Variants in SLC9A9 observed in about 807,000 individuals in gnomAD.
SLC9A9 encodes solute carrier family 9 member A9.
In SLC9A9, 62 loss-of-function variants were observed where a neutral mutation model predicts 77.8. The observed-to-expected ratio is 0.80, with a 90% confidence interval of 0.65 to 0.98. SLC9A9 has a LOEUF of 0.98. SLC9A9 is among the 50% of genes least tolerant of loss of function. The probability of loss-of-function intolerance (pLI) is 0.00; values close to 1 mark genes in which losing one functional copy is unlikely to be tolerated. For synonymous variants in SLC9A9, 320 were observed against 283.5 expected, an observed-to-expected ratio of 1.13 and a Z score of -1.29; for missense variants, 775 against 774.9, an observed-to-expected ratio of 1.00 and a Z score of 0.00.
chr3:143,539,283 G>A (rs887007494), intron 9 of SLC9A9, among the ~76,000 whole-genome samples: 2 of 152,170 alleles, frequency 1.3e-5, no homozygotes, highest in Non-Finnish European at 2.9e-5. Context: ...TTTATTAGGA[G>A]TTATATATCA....
intron 6 of SLC9A9, among the ~76,000 whole-genome samples, chr3:143,583,408 A>T (rs1386244439): frequency 1.3e-5 from 2 of 152,196 alleles, no homozygotes; most frequent in Non-Finnish European, 2.9e-5. Flanking sequence ...GTATCATTTC[A>T]CTTTCACAGA....
chr3:143,265,833 G>A lies in SLC9A9; in HGVS notation c.*869C>T. 1 of 588,990 alleles carries A rather than the reference G, an allele frequency of 1.7e-6. No homozygotes were observed. The highest frequency in any genetic ancestry group is 1.9e-5 in the African/African-American group (1 of 53,554). The allele number at this position is 588,990 out of a possible 1,614,324, so 36.5% of individuals were successfully genotyped here. On this transcript the variant is annotated 3_prime_UTR_variant, in exon 16 of 16. Transcript: ENST00000316549. ...ACAGGTTGGGGCTCCTGCACAGTCTGCTGCCAGGTAGAGAGCAACACAGGC... is the reference window on the plus strand; with the variant it reads ...ACAGGTTGGGGCTCCTGCACAGTCTACTGCCAGGTAGAGAGCAACACAGGC...
chr3:143,459,063 T>C (rs1218690517), intron 12 of SLC9A9, among the ~76,000 whole-genome samples: 1 of 152,122 alleles, frequency 6.6e-6, no homozygotes, highest in East Asian at 1.9e-4. Context: ...TTTTGGTCAT[T>C]GCATTTTCCA....
chr3:143,593,227 T>A (rs1412184612), intron 6 of SLC9A9, among the ~76,000 whole-genome samples: 1 of 152,140 alleles, frequency 6.6e-6, no homozygotes, highest in African/African-American at 2.4e-5. Context: ...GGAGCACAGG[T>A]GGCAGAGAGT....
intron 13 of SLC9A9, among the ~76,000 whole-genome samples, chr3:143,371,088 G>T (rs1027689619): frequency 6.6e-6 from 1 of 152,228 alleles, no homozygotes; most frequent in Admixed American, 6.5e-5. Flanking sequence ...CCAGAAGTCT[G>T]TGGAGATGTT....
chr3:143,574,238 A>T (rs749631358), intron 7 of SLC9A9, 45 bp from the exon 8 acceptor site: 2 of 1,459,676 alleles, frequency 1.4e-6, no homozygotes, highest in Admixed American at 3.4e-5. Context: ...TTTTACAGCT[A>T]CATCTCCTTC....
chr3:143,736,075 A>G (rs922645428), intron 4 of SLC9A9, among the ~76,000 whole-genome samples: 8 of 152,196 alleles, frequency 5.3e-5, no homozygotes, highest in Non-Finnish European at 7.4e-5. Context: ...ATACCCTTGT[A>G]TATGTTGTGT....
intron 6 of SLC9A9, among the ~76,000 whole-genome samples, chr3:143,593,312 T>C (rs2037687670): frequency 6.6e-6 from 1 of 152,242 alleles, no homozygotes; most frequent in Non-Finnish European, 1.5e-5. Flanking sequence ...GTAGTTTTTA[T>C]TGATCAGGTT....
rs148157840 is a variant in SLC9A9, at chr3:143,794,651, G to C, written c.533+350C>G. Among the ~76,000 whole-genome samples the C allele has an allele frequency of 4.0e-3, 609 of 152,200 alleles. 4 individuals carry two copies. Among genetic ancestry groups the C allele is most frequent in the African/African-American group, 0.014 (577 of 41,506 alleles). On this transcript the variant is annotated intron_variant, in intron 4 of 15. Coordinates refer to ENST00000316549, the MANE Select transcript of SLC9A9 (RefSeq NM_173653.4). ...ACTTTTGCACTCCTGCCAAATACAG[G>C]TAAGGTCTCTCAATACAAGACAAAA... is the stretch of plus-strand genomic sequence containing the variant.
rs548021979 is a variant in SLC9A9 at position 143,606,742 on chromosome 3, G to C, written c.756-28019C>G. On this transcript the variant is annotated intron_variant, in intron 6 of 15. Transcript: ENST00000316549. ...AACCGAGAATTAGAACAGGATCTGA[G>C]GGAATCATCCAGAACACAGGTTAAA... Among the ~76,000 whole-genome samples the C allele has an allele frequency of 6.8e-4, 103 of 151,740 alleles. 1 individual carries two copies. Among genetic ancestry groups the C allele is most frequent in the African/African-American group, 2.4e-3 (101 of 41,424 alleles).
At chr3:143,464,149 C>T (rs963252926) in intron 12 of SLC9A9, among the ~76,000 whole-genome samples, 6 of 152,180 alleles carry the variant, frequency 3.9e-5, no homozygotes, top group Non-Finnish European at 5.9e-5. Flanking sequence ...CGTTTGTCTT[C>T]GTGTCTCTTG....
At chr3:143,597,695 T>C (rs765394473) in intron 6 of SLC9A9, among the ~76,000 whole-genome samples, 4 of 152,222 alleles carry the variant, frequency 2.6e-5, no homozygotes, top group Non-Finnish European at 4.4e-5. Flanking sequence ...CTGACAGCCA[T>C]GAAAGATGTT....
intron 4 of SLC9A9, among the ~76,000 whole-genome samples, chr3:143,744,589 C>A (rs1935161515): frequency 1.3e-5 from 2 of 152,184 alleles, no homozygotes; most frequent in Non-Finnish European, 2.9e-5. Context: ...GCGAAAAAGC[C>A]TCCTGATTCC....
intron 6 of SLC9A9, among the ~76,000 whole-genome samples, chr3:143,602,937 C>T (rs2037866924): frequency 6.6e-6 from 1 of 152,246 alleles, no homozygotes. Context: ...CATAATGGCG[C>T]TTTAAAGCCA....
intron 4 of SLC9A9, among the ~76,000 whole-genome samples, chr3:143,792,824 C>T (rs909153957): frequency 3.3e-5 from 5 of 152,152 alleles, no homozygotes; most frequent in East Asian, 1.9e-4. Flanking sequence ...ATCTGGCCTA[C>T]GTAAATTACC....
At chr3:143,336,387 G>T (rs979975400) in intron 14 of SLC9A9, among the ~76,000 whole-genome samples, 4 of 151,970 alleles carry the variant, frequency 2.6e-5, no homozygotes, top group African/African-American at 4.8e-5. Context: ...CCCACTTCTG[G>T]GTATATATCC....
At chr3:143,810,866 G>C (rs1388115753) in intron 2 of SLC9A9, among the ~76,000 whole-genome samples, 1 of 152,182 alleles carries the variant, frequency 6.6e-6, no homozygotes, top group Non-Finnish European at 1.5e-5. Context: ...CCAAGAAAGG[G>C]AAGACGCTGT....
At chr3:143,714,076 C>G (rs1042948439) in intron 4 of SLC9A9, among the ~76,000 whole-genome samples, 2 of 152,142 alleles carry the variant, frequency 1.3e-5, no homozygotes, top group African/African-American at 4.8e-5. Flanking sequence ...TTGTCTGTGT[C>G]GAAAAACTCA....
intron 12 of SLC9A9, among the ~76,000 whole-genome samples, chr3:143,442,026 C>G (rs1181469195): frequency 6.6e-6 from 1 of 152,080 alleles, no homozygotes; most frequent in African/African-American, 2.4e-5. Flanking sequence ...ATCAGCCCAA[C>G]CACCCATCCC....
Sources: gnomAD v4.1 joint callset for allele counts (sites outside exome capture counted in the v4.1 genomes callset) on GRCh38, gnomAD v4.1.1 for gene constraint, MANE v1.5 for transcripts, NCBI Gene and HGNC (gene_info 2026-07-23, HGNC 2026-07-21) for gene names.